CDKAL1: variants seen among roughly 807,000 people sequenced by gnomAD.
CDKAL1 encodes threonylcarbamoyladenosine tRNA methylthiotransferase.
CDKAL1 carries 32 observed loss-of-function variants against 68.2 expected under a neutral mutation model. That is an observed-to-expected ratio of 0.47 (90% CI 0.35 to 0.63). CDKAL1 has a LOEUF of 0.63. Among genes scored for constraint, CDKAL1 ranks in the 30% least tolerant of loss-of-function variants. The pLI is 0.00. For missense variants in CDKAL1, 606 were observed against 696.7 expected, an observed-to-expected ratio of 0.87 and a Z score of 1.47; for synonymous variants, 234 against 244.3, an observed-to-expected ratio of 0.96 and a Z score of 0.39.
intron 10 of CDKAL1, among the ~76,000 whole-genome samples, chr6:20,955,807 A>G (rs914486807): frequency 3.9e-5 from 6 of 152,058 alleles, no homozygotes; most frequent in Admixed American, 6.6e-5. Flanking sequence ...AAATTTTTCA[A>G]TACTTGCCAC....
intron 6 of CDKAL1, among the ~76,000 whole-genome samples, chr6:20,742,452 ATCT>A (rs35106298): frequency 0.19 from 28,605 of 151,996 alleles, 3,190 homozygotes; most frequent in East Asian, 0.34. Flanking sequence ...AATTTTGCTT[ATCT>A]TCTTCAGACT....
At chr6:21,153,423 T>C (rs1370392859) in intron 13 of CDKAL1, among the ~76,000 whole-genome samples, 1 of 152,214 alleles carries the variant, frequency 6.6e-6, no homozygotes, top group African/African-American at 2.4e-5. Flanking sequence ...CATTCAATTA[T>C]GGCAGCTGTT....
intron 13 of CDKAL1, among the ~76,000 whole-genome samples, chr6:21,132,029 C>T (rs1421546005): frequency 2.0e-5 from 3 of 151,984 alleles, no homozygotes; most frequent in Non-Finnish European, 4.4e-5. Flanking sequence ...GTTATTTTCA[C>T]CTATAAAATT....
intron 5 of CDKAL1, among the ~76,000 whole-genome samples, chr6:20,732,612 G>A (rs1013603373): frequency 6.6e-6 from 1 of 151,948 alleles, no homozygotes; most frequent in Non-Finnish European, 1.5e-5. Flanking sequence ...ACAAGTCTAA[G>A]GAATCATTCC....
chr6:21,188,178 A>G (rs112689363), intron 13 of CDKAL1, among the ~76,000 whole-genome samples: 3 of 151,616 alleles, frequency 2.0e-5, no homozygotes, highest in South Asian at 2.1e-4. Flanking sequence ...ATTTTTTTCT[A>G]TTTGCTTTTT....
chr6:20,612,010 T>TA (rs1263708458), intron 4 of CDKAL1, among the ~76,000 whole-genome samples: 1 of 152,246 alleles, frequency 6.6e-6, no homozygotes, highest in Non-Finnish European at 1.5e-5. Flanking sequence ...AAATTTGTCT[T>TA]TCTTTGCCTG....
At chr6:21,007,231 G>T (rs1180749250) in intron 11 of CDKAL1, among the ~76,000 whole-genome samples, 2 of 152,016 alleles carry the variant, frequency 1.3e-5, no homozygotes, top group Non-Finnish European at 2.9e-5. Flanking sequence ...TTGAGTCCAG[G>T]AGTTCAAGAA....
intron 10 of CDKAL1, among the ~76,000 whole-genome samples, chr6:20,990,378 C>T (rs1165390393): frequency 6.6e-6 from 1 of 152,120 alleles, no homozygotes; most frequent in South Asian, 2.1e-4. Context: ...TAATGTAAAG[C>T]CTGATGATTG....
chr6:21,212,334 TA>T lies in CDKAL1; in HGVS notation c.1548+11069del, dbSNP rs369507325. ...GGACATTAATATATTCTTCAATGGTTAAAAAAAAATCACAGTCAAGCCACTC... is the reference window on the plus strand; with the variant it reads ...GGACATTAATATATTCTTCAATGGTTAAAAAAAATCACAGTCAAGCCACTC... On this transcript the variant is annotated intron_variant, in intron 15 of 15. Transcript: ENST00000274695. Among the ~76,000 whole-genome samples, 527 of 151,796 alleles carry T rather than the reference TA, an allele frequency of 3.5e-3. 2 individuals carry two copies. The highest frequency in any genetic ancestry group is 0.011 in the African/African-American group (464 of 41,422).
intron 9 of CDKAL1, among the ~76,000 whole-genome samples, chr6:20,890,295 A>T (rs1761325120): frequency 6.6e-6 from 1 of 152,156 alleles, no homozygotes. Flanking sequence ...CTTAATTATC[A>T]AGTTGTAGAC....
chr6:20,652,852 G>A (rs563485354), intron 5 of CDKAL1, among the ~76,000 whole-genome samples: 3 of 152,264 alleles, frequency 2.0e-5, no homozygotes, highest in South Asian at 2.1e-4. Context: ...AAACTGCCGT[G>A]TTTTCAATCA....
At chr6:21,129,682 C>CAAAAAAAA (rs34802727) in intron 13 of CDKAL1, among the ~76,000 whole-genome samples, 3 of 68,998 alleles carry the variant, frequency 4.3e-5, no homozygotes, top group African/African-American at 5.6e-5. Context: ...TGCAGTTTAC[C>CAAAAAAAA]AAAAAAAAAA....
Position 21,230,144 on chromosome 6 carries a change from T to C in CDKAL1, c.1549-704T>C, listed in dbSNP as rs559261508. The stretch of plus-strand genomic sequence containing the variant: ...TCCTAGGGATGTGTTTGCTGAATCA[T>C]GGCTTCCATGGTTGTTGGTTGGTTT... On this transcript the variant is annotated intron_variant, in intron 15 of 15. Transcript: ENST00000274695. Among the ~76,000 whole-genome samples the C allele has an allele frequency of 9.0e-4, 137 of 152,318 alleles. 1 individual carries two copies. Among genetic ancestry groups the C allele is most frequent in the African/African-American group, 3.0e-3 (124 of 41,584 alleles).
intron 4 of CDKAL1, among the ~76,000 whole-genome samples, chr6:20,633,165 C>T (rs1006495946): frequency 7.9e-5 from 12 of 152,196 alleles, no homozygotes; most frequent in African/African-American, 2.2e-4. Flanking sequence ...CACAAAGACA[C>T]TCCACATCCT....
chr6:21,140,653 C>A (rs545655501), intron 13 of CDKAL1, among the ~76,000 whole-genome samples: 142 of 152,202 alleles, frequency 9.3e-4, no homozygotes, highest in African/African-American at 3.3e-3. Flanking sequence ...GCCGGAGATG[C>A]TAAACATGCT....
chr6:20,901,359 G>A (rs914190966), intron 9 of CDKAL1, among the ~76,000 whole-genome samples: 2 of 151,848 alleles, frequency 1.3e-5, no homozygotes, highest in African/African-American at 4.8e-5. Flanking sequence ...ACATAACTAT[G>A]TCACCAGCAC....
At chr6:20,894,370 T>A (rs1411451124) in intron 9 of CDKAL1, among the ~76,000 whole-genome samples, 1 of 150,404 alleles carries the variant, frequency 6.6e-6, no homozygotes, top group Non-Finnish European at 1.5e-5. Flanking sequence ...AGAATTAACC[T>A]CTTAGCCTAC....
intron 5 of CDKAL1, among the ~76,000 whole-genome samples, chr6:20,733,871 G>A (rs1773066089): frequency 6.6e-6 from 1 of 151,976 alleles, no homozygotes; most frequent in African/African-American, 2.4e-5. Flanking sequence ...TGTACAGGCC[G>A]GGCATGGTGG....
At chr6:21,138,508 A>C (rs542858506) in intron 13 of CDKAL1, among the ~76,000 whole-genome samples, 6 of 152,320 alleles carry the variant, frequency 3.9e-5, no homozygotes, top group African/African-American at 1.4e-4. Flanking sequence ...CACGTTTCCT[A>C]ATCTATCTGA....
Sources: gnomAD v4.1 joint callset for allele counts (sites outside exome capture counted in the v4.1 genomes callset) on GRCh38, gnomAD v4.1.1 for gene constraint, MANE v1.5 for transcripts, NCBI Gene and HGNC (gene_info 2026-07-23, HGNC 2026-07-21) for gene names.